SORCS1: variants seen among roughly 807,000 people sequenced by gnomAD.
The protein encoded by SORCS1 is sortilin related VPS10 domain containing receptor 1.
Under a neutral mutation model 146.1 loss-of-function variants are expected in SORCS1, and 60 were observed. The ratio of observed to expected loss-of-function variants is 0.41; its 90% CI spans 0.33 to 0.51. SORCS1 has a LOEUF of 0.51. Ranked by LOEUF, SORCS1 falls within the 20% of genes least tolerant of loss-of-function variation. The pLI is 0.21. For synonymous variants in SORCS1, 637 were observed against 584.0 expected (o/e 1.09, Z -1.31); for missense variants, 1,352 against 1,487.6 (o/e 0.91, Z 1.50).
intron 4 of SORCS1, among the ~76,000 whole-genome samples, chr10:106,774,426 A>AGTGTGT (rs3045083): frequency 0.031 from 4,567 of 147,692 alleles, 101 homozygotes; most frequent in East Asian, 0.078. Context: ...TAGGTTCCAA[A>AGTGTGT]GTGTGTGTGT....
At chr10:106,629,158 C>A in intron 19 of SORCS1, 44 bp downstream of exon 19, 1 of 1,534,000 alleles carries the variant, frequency 6.5e-7, no homozygotes, top group Non-Finnish European at 8.9e-7. Context: ...GAAAAGGACA[C>A]AATATTTAAG....
At chr10:106,602,168 T>C (rs1846281064) in intron 23 of SORCS1, among the ~76,000 whole-genome samples, 1 of 152,116 alleles carries the variant, frequency 6.6e-6, no homozygotes, top group Non-Finnish European at 1.5e-5. Flanking sequence ...CAGATGCAAA[T>C]GGGCTTAGAC....
chr10:106,825,184 A>G (rs892079458), intron 3 of SORCS1, among the ~76,000 whole-genome samples: 2 of 152,112 alleles, frequency 1.3e-5, no homozygotes, highest in Admixed American at 1.3e-4. Context: ...ATGGCTGATA[A>G]AGACACACAG....
chr10:107,116,111 A>G (rs1966021493), intron 1 of SORCS1, among the ~76,000 whole-genome samples: 2 of 150,812 alleles, frequency 1.3e-5, no homozygotes, highest in South Asian at 4.2e-4. Context: ...AAAAGACAAA[A>G]GGTAATTATT....
In SORCS1 at chr10:106,957,780, G is replaced by A. The variant is rs574992043; in HGVS notation, c.559-1200C>T. Among the ~76,000 whole-genome samples the A allele has an allele frequency of 5.1e-4, 77 of 152,234 alleles. 2 individuals are homozygous for A. The highest frequency in any genetic ancestry group is 7.8e-4 in the Admixed American group (12 of 15,290). ...TTCGCTCCACAGCAAATCCTCCTCCGAAATAGAAAGCAGCACTATTTCCAA... is the reference window on the plus strand; with the variant it reads ...TTCGCTCCACAGCAAATCCTCCTCCAAAATAGAAAGCAGCACTATTTCCAA... On this transcript the variant is annotated intron_variant, in intron 1 of 25. Coordinates refer to ENST00000263054, the MANE Select transcript of SORCS1 (RefSeq NM_052918.5).
At chr10:107,075,528 G>C (rs1172959441) in intron 1 of SORCS1, among the ~76,000 whole-genome samples, 1 of 152,060 alleles carries the variant, frequency 6.6e-6, no homozygotes, top group Non-Finnish European at 1.5e-5. Flanking sequence ...TGTTGATACT[G>C]TTACAGAAAA....
chr10:106,910,314 T>TGTGA (rs753133203), intron 2 of SORCS1, among the ~76,000 whole-genome samples: 3 of 126,714 alleles, frequency 2.4e-5, no homozygotes, highest in African/African-American at 7.2e-5. Flanking sequence ...TGTGTGTGTG[T>TGTGA]GAGACAGTAT....
chr10:106,600,680 T>C (rs1181950861), intron 23 of SORCS1: 3 of 985,328 alleles, frequency 3.0e-6, no homozygotes, highest in Non-Finnish European at 3.6e-6. Context: ...AGAACACATC[T>C]TAGGTGTCAG....
chr10:106,600,528 A>G (rs78655339), intron 23 of SORCS1: 1 of 985,162 alleles, frequency 1.0e-6, no homozygotes, highest in Non-Finnish European at 1.2e-6. Context: ...AATATTTTAG[A>G]TGTTTTCCAC....
At chr10:106,755,199 G>A (rs774368359) in intron 5 of SORCS1, among the ~76,000 whole-genome samples, 3 of 152,126 alleles carry the variant, frequency 2.0e-5, no homozygotes, top group Non-Finnish European at 4.4e-5. Context: ...CGGCACCTTA[G>A]CTTTTACCTA....
intron 1 of SORCS1, among the ~76,000 whole-genome samples, chr10:106,986,433 T>C (rs925068781): frequency 1.3e-5 from 2 of 152,098 alleles, no homozygotes; most frequent in Admixed American, 1.3e-4. Context: ...ACTGCTAAAA[T>C]ATTCATTATT....
intron 1 of SORCS1, among the ~76,000 whole-genome samples, chr10:106,975,456 C>T (rs547152620): frequency 3.9e-5 from 6 of 152,222 alleles, no homozygotes; most frequent in Non-Finnish European, 8.8e-5. Flanking sequence ...GGCTACAAGC[C>T]AGCCAGAAAT....
intron 8 of SORCS1, 124 bp downstream of exon 8, chr10:106,706,421 A>T: frequency 1.1e-6 from 1 of 904,286 alleles, no homozygotes. Context: ...CTTGGGAAAC[A>T]GAGATGAGAG....
chr10:106,701,554 G>A (rs1432688601), intron 8 of SORCS1, among the ~76,000 whole-genome samples: 1 of 152,178 alleles, frequency 6.6e-6, no homozygotes, highest in Non-Finnish European at 1.5e-5. Flanking sequence ...ATATCTTGGA[G>A]GTAAAGGATG....
At chr10:107,089,052 A>G (rs1963975515) in intron 1 of SORCS1, among the ~76,000 whole-genome samples, 1 of 152,248 alleles carries the variant, frequency 6.6e-6, no homozygotes, top group African/African-American at 2.4e-5. Flanking sequence ...TATACAAAAG[A>G]CATTCATGGA....
At chr10:107,167,160 T>C (rs1157479890), upstream of SORCS1, among the ~76,000 whole-genome samples, 1 of 152,274 alleles carries the variant, frequency 6.6e-6, no homozygotes, top group South Asian at 2.1e-4. Context: ...GTATTGTTCA[T>C]ATGTAGATAG....
At position 106,575,635 on chromosome 10, in the gene SORCS1, A is replaced by G. The variant is rs570647655; in HGVS notation, c.*1785T>C. 1 of 152,636 alleles carries G rather than the reference A, an allele frequency of 6.6e-6. No individual in the cohort carries two copies. The highest frequency in any genetic ancestry group is 2.4e-5 in the African/African-American group (1 of 41,526). The allele number at this position is 152,636 out of a possible 1,614,324, so 9.5% of individuals were successfully genotyped here. ...TGCTTTGTGCCAATCTTTTTTGCCA[A>G]TCAGTAACTCTCCTCCTTTATACAG... is the stretch of plus-strand genomic sequence containing the variant. On this transcript the variant is annotated 3_prime_UTR_variant, in exon 26 of 26. Coordinates refer to ENST00000263054, the MANE Select transcript of SORCS1 (RefSeq NM_052918.5).
chr10:106,578,874 A>C, intron 25 of SORCS1: 1 of 1,394,854 alleles, frequency 7.2e-7, no homozygotes, highest in Non-Finnish European at 9.3e-7. Context: ...AAAAGGAGGA[A>C]TAAACTAATG....
At chr10:107,096,625 C>T (rs953089667) in intron 1 of SORCS1, among the ~76,000 whole-genome samples, 2 of 152,166 alleles carry the variant, frequency 1.3e-5, no homozygotes, top group African/African-American at 4.8e-5. Flanking sequence ...GATTCTCCTG[C>T]CTCAGCCTCC....
Sources: allele counts gnomAD v4.1 joint callset (sites outside exome capture counted in the v4.1 genomes callset), GRCh38; gene constraint gnomAD v4.1.1; transcripts MANE v1.5; gene names NCBI Gene and HGNC (gene_info 2026-07-23, HGNC 2026-07-21).